Variants in CLYBL observed in about 807,000 individuals in gnomAD.
CLYBL encodes the protein citramalyl-CoA lyase, also known as citramalyl-CoA lyase, mitochondrial.
Under a neutral mutation model 38.9 loss-of-function variants are expected in CLYBL, and 31 were observed. The ratio of observed to expected loss-of-function variants is 0.80; its 90% confidence interval spans 0.60 to 1.08. The LOEUF is 1.08. Ranked by LOEUF, CLYBL falls within the 50% of genes least tolerant of loss-of-function variation. The pLI is 0.00. For synonymous variants in CLYBL, 171 were observed against 158.6 expected (o/e 1.08, Z -0.59); for missense variants, 434 against 411.6 (o/e 1.05, Z -0.47).
intron 2 of CLYBL, among the ~76,000 whole-genome samples, chr13:99,799,602 A>G (rs1594190256): frequency 6.9e-6 from 1 of 143,948 alleles, no homozygotes; most frequent in East Asian, 2.3e-4. Flanking sequence ...ATGGGCATCA[A>G]TCATGTGTGT....
intron 1 of CLYBL, among the ~76,000 whole-genome samples, chr13:99,740,976 A>C (rs1441373254): frequency 6.6e-6 from 1 of 152,170 alleles, no homozygotes; most frequent in East Asian, 1.9e-4. Flanking sequence ...TTTATAAAGC[A>C]CCTGTCGATG....
intron 1 of CLYBL, among the ~76,000 whole-genome samples, chr13:99,620,989 G>A (rs1042271141): frequency 6.6e-6 from 1 of 152,028 alleles, no homozygotes; most frequent in African/African-American, 2.4e-5. Context: ...ATGTTCTCTG[G>A]ACAAAGTCCC....
chr13:99,895,971 G>GGGCACCGCGAGCCGGGGTGGGC (rs1199086806), downstream of CLYBL: 33 of 151,972 alleles, frequency 2.2e-4, no homozygotes, highest in Non-Finnish European at 4.1e-4. Context: ...TCCGACGGAA[G>GGGCACCGCGAGCCGGGGTGGGC]GGCACCGCGA....
At chr13:99,703,582 A>G (rs1303515421) in intron 1 of CLYBL, among the ~76,000 whole-genome samples, 3 of 152,156 alleles carry the variant, frequency 2.0e-5, no homozygotes, top group Admixed American at 2.0e-4. Context: ...TGTTAGCCAG[A>G]GTAGTCCGAT....
intron 8 of CLYBL, among the ~76,000 whole-genome samples, chr13:99,905,095 T>C (rs1489649894): frequency 1.3e-5 from 2 of 152,286 alleles, no homozygotes; most frequent in Non-Finnish European, 2.9e-5. Context: ...CTGGAGGGTC[T>C]GGTCCTAGGC....
At chr13:99,851,265 G>C (rs956124094) in intron 2 of CLYBL, among the ~76,000 whole-genome samples, 1 of 151,710 alleles carries the variant, frequency 6.6e-6, no homozygotes, top group South Asian at 2.1e-4. Context: ...TACTCGGGAG[G>C]CTGAGGCAGG....
chr13:99,872,819 T>G (rs2051942208), intron 7 of CLYBL, among the ~76,000 whole-genome samples: 1 of 152,200 alleles, frequency 6.6e-6, no homozygotes, highest in Non-Finnish European at 1.5e-5. Flanking sequence ...TGCTCAGCAT[T>G]TAAGTTTTTG....
chr13:99,883,038 G>C (rs573612224), intron 7 of CLYBL, among the ~76,000 whole-genome samples: 1 of 152,084 alleles, frequency 6.6e-6, no homozygotes, highest in Non-Finnish European at 1.5e-5. Context: ...CTGGACAGAG[G>C]AAAAACACCC....
chr13:99,714,814 T>C (rs2048287727), intron 1 of CLYBL, among the ~76,000 whole-genome samples: 1 of 151,856 alleles, frequency 6.6e-6, no homozygotes, highest in Non-Finnish European at 1.5e-5. Flanking sequence ...CCAGGCATGG[T>C]GGCGGGTGCC....
At chr13:99,798,098 G>C (rs2050058897) in intron 2 of CLYBL, among the ~76,000 whole-genome samples, 3 of 152,116 alleles carry the variant, frequency 2.0e-5, no homozygotes, top group Admixed American at 1.3e-4. Flanking sequence ...ATATTTGCCA[G>C]AGTTTCTCTG....
chr13:99,775,734 C>G (rs1158261255), intron 2 of CLYBL, among the ~76,000 whole-genome samples: 1 of 152,114 alleles, frequency 6.6e-6, no homozygotes, highest in Admixed American at 6.5e-5. Context: ...TTCTTGAACT[C>G]TTGGACTCAC....
chr13:99,734,865 A>G (rs1483963426), intron 1 of CLYBL, among the ~76,000 whole-genome samples: 1 of 152,224 alleles, frequency 6.6e-6, no homozygotes, highest in Non-Finnish European at 1.5e-5. Flanking sequence ...AAGTAGAACT[A>G]TATTACTATA....
intron 9 of CLYBL, among the ~76,000 whole-genome samples, chr13:99,905,790 G>GGGTC (rs2052691819): frequency 6.6e-6 from 1 of 151,358 alleles, no homozygotes; most frequent in East Asian, 1.9e-4. Flanking sequence ...TTTTGAGACA[G>GGGTC]GGTCTCTGTC....
At chr13:99,772,746 G>A in intron 1 of CLYBL, 78 bp from the exon 2 acceptor site, 1 of 1,124,624 alleles carries the variant, frequency 8.9e-7, no homozygotes, top group Non-Finnish European at 1.3e-6. Flanking sequence ...TTTTAATTTT[G>A]CATTAAAATA....
chr13:99,705,741 G>A (rs1011958689), intron 1 of CLYBL, among the ~76,000 whole-genome samples: 1 of 152,118 alleles, frequency 6.6e-6, no homozygotes, highest in Non-Finnish European at 1.5e-5. Context: ...GTGGTTACCC[G>A]GGGCTGGGGG....
intron 6 of CLYBL, 127 bp from the exon 7 acceptor site, chr13:99,870,807 CAATA>C (rs2051869474): frequency 1.2e-6 from 1 of 849,800 alleles, no homozygotes; most frequent in Admixed American, 3.1e-5. Flanking sequence ...TTTGTTTACT[CAATA>C]AAAAGTTTTA....
At chr13:99,667,665 A>G (rs1324386185) in intron 1 of CLYBL, among the ~76,000 whole-genome samples, 1 of 152,152 alleles carries the variant, frequency 6.6e-6, no homozygotes, top group African/African-American at 2.4e-5. Context: ...TGATGAAGTT[A>G]TGGAATACAT....
chr13:99,770,366 A>G lies in CLYBL; in HGVS notation c.63-2458A>G, dbSNP rs578106471. ...GGAGTCTCGCTCTGTCACCCAGGGTAGAGTACAGTGGCGCAATCTTGGCTC... is the reference window on the plus strand; with the variant it reads ...GGAGTCTCGCTCTGTCACCCAGGGTGGAGTACAGTGGCGCAATCTTGGCTC... On this transcript the variant is annotated intron_variant, in intron 1 of 8. Transcript: ENST00000339105. Among the ~76,000 whole-genome samples the G allele has an allele frequency of 5.0e-4, 76 of 152,210 alleles. No individual in the cohort carries two copies. In the East Asian group the frequency reaches 9.3e-3, roughly 19 times the overall value.
chr13:99,673,695 C>T (rs1009809541), intron 1 of CLYBL, among the ~76,000 whole-genome samples: 1 of 152,116 alleles, frequency 6.6e-6, no homozygotes, highest in East Asian at 1.9e-4. Context: ...GGCCAGATCG[C>T]TGGAAGGATG....
Sources: allele counts gnomAD v4.1 joint callset (sites outside exome capture counted in the v4.1 genomes callset), GRCh38; gene constraint gnomAD v4.1.1; transcripts MANE v1.5; gene names NCBI Gene and HGNC (gene_info 2026-07-23, HGNC 2026-07-21).